Variants in GPLD1 observed in about 807,000 individuals in gnomAD.
The protein encoded by GPLD1 is glycosylphosphatidylinositol specific phospholipase D1, also known as phosphatidylinositol-glycan-specific phospholipase D.
In GPLD1, 84 loss-of-function variants were observed where a neutral mutation model predicts 112.6. The ratio of observed to expected loss-of-function variants is 0.75; its 90% CI spans 0.63 to 0.89. GPLD1 has a LOEUF of 0.89. GPLD1 is among the 40% of genes least tolerant of loss of function. The pLI is 0.00. For synonymous variants in GPLD1, 386 were observed against 403.8 expected (o/e 0.96, Z 0.53); for missense variants, 1,044 against 1,051.5 (o/e 0.99, Z 0.10).
intron 1 of GPLD1, chr6:24,494,797 T>A (rs1764648172): frequency 1.9e-6 from 1 of 533,350 alleles, no homozygotes. Flanking sequence ...TAGGGCAAGG[T>A]GCAGAGGGCG....
chr6:24,471,423 C>A (rs1335664986), intron 7 of GPLD1, among the ~76,000 whole-genome samples: 2 of 151,968 alleles, frequency 1.3e-5, no homozygotes, highest in African/African-American at 4.8e-5. Flanking sequence ...AGATCACACA[C>A]CACTGCACTC....
intron 12 of GPLD1, among the ~76,000 whole-genome samples, chr6:24,459,536 C>T (rs777015475): frequency 6.6e-6 from 1 of 152,208 alleles, no homozygotes; most frequent in African/African-American, 2.4e-5. Flanking sequence ...GGATTACAGG[C>T]GTGAGCCACC....
rs751346263 is a variant in GPLD1, at chr6:24,454,047, TGTCCAG to T, written c.1297_1302del (p.Leu433_Asp434del). The T allele has an allele frequency of 6.2e-7, 1 of 1,613,376 alleles. No homozygotes were observed. Among genetic ancestry groups the T allele is most frequent in the Non-Finnish European group, 8.5e-7 (1 of 1,179,522 alleles). On this transcript the variant is annotated inframe_deletion, in exon 14 of 25. Transcript: ENST00000230036. Reference sequence around the variant, plus strand: ...CCTTCAAGGATCCTGTGGGCCTCCTTGTCCAGGTCCAGGTCAACAGGTGGCAGGCCC... The same window carrying T: ...CCTTCAAGGATCCTGTGGGCCTCCTTGTCCAGGTCAACAGGTGGCAGGCCC...
In GPLD1 at chr6:24,459,828, C is replaced by A. The variant is rs1293999492; in HGVS notation, c.1008+451G>T. ...GTCCAAAGAAGGATTGGCCTGGGTG[C>A]CCAGGGTCATCTTGACTTGACAGAG... On this transcript the variant is annotated intron_variant, in intron 12 of 24. Coordinates refer to ENST00000230036, the MANE Select transcript of GPLD1 (RefSeq NM_001503.4). Among the ~76,000 whole-genome samples, 6 of 152,342 alleles carry A rather than the reference C, an allele frequency of 3.9e-5. No homozygotes were observed. The South Asian group carries it at 8.3e-4, about 21-fold the overall frequency.
At position 24,467,181 on chromosome 6, in the gene GPLD1, G is replaced by T. The variant is rs781016105; in HGVS notation, c.639C>A (p.Ile213=). Residue 213 remains isoleucine (I), a synonymous_variant, in exon 8 of 25, where the codon ATC becomes ATA. Coordinates refer to ENST00000230036, the MANE Select transcript of GPLD1 (RefSeq NM_001503.4). Reference sequence around the variant, plus strand: ...GTTACGCTTACATTTCTAAGAACTGGATATGTGAACAATCAACGATTACAT... The same window carrying T: ...GTTACGCTTACATTTCTAAGAACTGTATATGTGAACAATCAACGATTACAT... ...TENVIVDCSH[I]QFLEMYGEML... 1 of 1,572,094 alleles carries T rather than the reference G, an allele frequency of 6.4e-7. No homozygotes were observed. The highest frequency in any genetic ancestry group is 2.2e-5 in the East Asian group (1 of 44,664).
At chr6:24,474,863 C>T (rs1420836258) in intron 5 of GPLD1, among the ~76,000 whole-genome samples, 1 of 151,104 alleles carries the variant, frequency 6.6e-6, no homozygotes, top group Admixed American at 6.6e-5. Context: ...TCACTTGAAC[C>T]AGGGAGTTGG....
intron 20 of GPLD1, among the ~76,000 whole-genome samples, chr6:24,440,647 T>G (rs901730188): frequency 3.4e-5 from 5 of 147,026 alleles, no homozygotes; most frequent in Admixed American, 6.8e-5. Flanking sequence ...CGGCTACTTG[T>G]GAACCTGAGA....
intron 13 of GPLD1, 104 bp from the exon 14 acceptor site, chr6:24,454,305 A>G (rs1283445770): frequency 2.7e-6 from 2 of 746,198 alleles, no homozygotes; most frequent in Non-Finnish European, 4.1e-6. Flanking sequence ...ACTTTCTCTC[A>G]CTGACTTTTC....
At chr6:24,437,009 TG>T in intron 21 of GPLD1, 103 bp downstream of exon 21, 1 of 1,037,526 alleles carries the variant, frequency 9.6e-7, no homozygotes, top group Non-Finnish European at 1.5e-6. Context: ...CTTGGGCCAC[TG>T]GGCTGTCAAT....
chr6:24,444,498 ATT>A (rs567559014), intron 20 of GPLD1, among the ~76,000 whole-genome samples: 1 of 145,230 alleles, frequency 6.9e-6, no homozygotes, highest in African/African-American at 2.6e-5. Flanking sequence ...GTTCTTATTT[ATT>A]TTTTTTTTTA....
chr6:24,466,619 G>A (rs1259895280), intron 10 of GPLD1, 61 bp downstream of exon 10: 7 of 1,387,450 alleles, frequency 5.0e-6, no homozygotes, highest in Non-Finnish European at 7.1e-6. Context: ...TGAGAGTTAT[G>A]TTGGGGGATG....
chr6:24,489,436 G>C lies in GPLD1; in HGVS notation c.76C>G (p.Leu26Val), dbSNP rs376150888. 1.2e-5 allele frequency: 20 copies of C among 1,611,382 alleles called. No individual in the cohort carries two copies. In the African/African-American group the frequency reaches 2.3e-4, roughly 18 times the overall value. Residue 26 changes from leucine (L) to valine (V), a missense_variant, in exon 1 of 25, where the codon CTT (leucine) becomes GTT (valine). Physicochemically the swap from Leu to Val is conservative, Grantham distance 32. Coordinates refer to ENST00000230036, the MANE Select transcript of GPLD1 (RefSeq NM_001503.4). ...TTACCTATTTCTACGTGTGTTGAAA[G>C]GCCACACGGTGAACCTCTATGGCAG... ...SLCHRGSPCG[L>V]STHVEIGHRA...
chr6:24,436,973 C>A, intron 21 of GPLD1, 140 bp downstream of exon 21: 1 of 778,230 alleles, frequency 1.3e-6, no homozygotes, highest in Non-Finnish European at 2.1e-6. Flanking sequence ...TCTGGTCTTG[C>A]CTCATTCAAG....
chr6:24,424,682 T>C (rs1420609904), downstream of GPLD1: 3 of 152,206 alleles, frequency 2.0e-5, no homozygotes, highest in African/African-American at 2.4e-5. Context: ...TTAAGTACAG[T>C]TAGGCACTAG....
At chr6:24,466,639 G>A (rs1233479627) in intron 10 of GPLD1, 41 bp downstream of exon 10, 1 of 1,558,826 alleles carries the variant, frequency 6.4e-7, no homozygotes, top group African/African-American at 1.4e-5. Flanking sequence ...GGGGTAAAAA[G>A]GCAGAGAGTG....
intron 12 of GPLD1, among the ~76,000 whole-genome samples, chr6:24,458,943 C>A (rs1279523915): frequency 6.6e-6 from 1 of 152,088 alleles, no homozygotes; most frequent in African/African-American, 2.4e-5. Flanking sequence ...AAACTAGGCC[C>A]TTCCGCAATT....
intron 1 of GPLD1, among the ~76,000 whole-genome samples, chr6:24,488,343 C>T (rs974616763): frequency 8.6e-5 from 13 of 151,314 alleles, no homozygotes; most frequent in Non-Finnish European, 1.5e-4. Flanking sequence ...ACCCAGGAGG[C>T]GGAGCTTGCA....
At chr6:24,435,016 CTTT>C (rs574602048) in intron 22 of GPLD1, among the ~76,000 whole-genome samples, 104 of 134,102 alleles carry the variant, frequency 7.8e-4, no homozygotes, top group African/African-American at 2.7e-3. Context: ...ATATTAATTT[CTTT>C]TTTTTTTTTT....
intron 20 of GPLD1, among the ~76,000 whole-genome samples, chr6:24,437,668 T>A (rs1253587757): frequency 6.6e-6 from 1 of 152,192 alleles, no homozygotes; most frequent in African/African-American, 2.4e-5. Flanking sequence ...TGACTCCCAC[T>A]TGGGGATCTA....
Sources: allele counts gnomAD v4.1 joint callset (sites outside exome capture counted in the v4.1 genomes callset), GRCh38; gene constraint gnomAD v4.1.1; transcripts MANE v1.5; gene names NCBI Gene and HGNC (gene_info 2026-07-23, HGNC 2026-07-21).